DMD: variants seen among roughly 807,000 people sequenced by gnomAD.
DMD encodes mutant dystrophin.
A neutral mutation model predicts 330.1 loss-of-function variants in DMD; 63 were observed. That is an observed-to-expected ratio of 0.19 (90% CI 0.16 to 0.24). The LOEUF is 0.24. DMD is among the 10% of genes least tolerant of loss of function. The pLI is 1.00. For synonymous variants in DMD, 1,223 were observed against 959.8 expected (o/e 1.27, Z -5.07); for missense variants, 3,344 against 2,684.1 (o/e 1.25, Z -5.43).
chrX:31,922,147 T>C (rs1351211429), intron 47 of DMD, among the ~76,000 whole-genome samples: 1 of 110,958 alleles, frequency 9.0e-6, no homozygotes, highest in Non-Finnish European at 1.9e-5. Flanking sequence ...CCATATACCC[T>C]TGGGGAAGGA....
intron 62 of DMD, among the ~76,000 whole-genome samples, chrX:31,265,354 C>T (rs991389719): frequency 1.8e-5 from 2 of 111,526 alleles, no homozygotes; most frequent in Non-Finnish European, 1.9e-5. Context: ...TTTCTGCTAC[C>T]GTGGGGCAGG....
At chrX:32,208,825 A>G (rs1368365466) in intron 44 of DMD, among the ~76,000 whole-genome samples, 1 of 111,261 alleles carries the variant, frequency 9.0e-6, no homozygotes, top group Non-Finnish European at 1.9e-5. Context: ...ATATGCTCCA[A>G]TGGGTAAGAG....
chrX:32,482,554 G>C (rs2042004728), intron 21 of DMD, among the ~76,000 whole-genome samples: 1 of 111,640 alleles, frequency 9.0e-6, no homozygotes, highest in Non-Finnish European at 1.9e-5. Context: ...GTCATCACTG[G>C]ATGGACATGT....
intron 74 of DMD, among the ~76,000 whole-genome samples, chrX:31,148,080 A>T (rs1889942912): frequency 9.0e-6 from 1 of 111,027 alleles, no homozygotes; most frequent in African/African-American, 3.3e-5. Context: ...CCGCCTCAAC[A>T]CCATACCATT....
chrX:32,621,110 A>C (rs758541452), intron 11 of DMD, among the ~76,000 whole-genome samples: 2 of 111,250 alleles, frequency 1.8e-5, no homozygotes, highest in African/African-American at 3.3e-5. Flanking sequence ...TCATACTATG[A>C]AATGAGAGCA....
chrX:32,682,061 A>T (rs911096896), intron 9 of DMD, among the ~76,000 whole-genome samples: 2 of 111,738 alleles, frequency 1.8e-5, no homozygotes, highest in African/African-American at 3.3e-5. Flanking sequence ...AGAAGGTAGG[A>T]TACCTATAGG....
At chrX:31,769,315 T>C (rs776838466) in intron 51 of DMD, among the ~76,000 whole-genome samples, 6 of 112,560 alleles carry the variant, frequency 5.3e-5, no homozygotes, top group Non-Finnish European at 1.1e-4. Flanking sequence ...ATTCCAGTCT[T>C]TGTTGAATAT....
chrX:32,920,704 G>C lies in DMD; in HGVS notation c.94-70884C>G, dbSNP rs376031103. ...TACTTCATGCCACACTATGGATCAA[G>C]CAGTGAAGATAAAACAGTAAACAAG... is the stretch of plus-strand genomic sequence containing the variant. On this transcript the variant is annotated intron_variant, in intron 2 of 78. Coordinates refer to ENST00000357033, the MANE Select transcript of DMD (RefSeq NM_004006.3). 2.7e-5 allele frequency among the ~76,000 whole-genome samples: 3 copies of C among 112,253 alleles called. No homozygotes were observed. The East Asian group carries it at 8.4e-4, about 31-fold the overall frequency.
At position 33,010,701 on chromosome X, in the gene DMD, C is replaced by T. The variant is rs778208994; in HGVS notation, c.93+9438G>A. Among the ~76,000 whole-genome samples, 5 of 111,147 alleles carry T rather than the reference C, an allele frequency of 4.5e-5. No individual in the cohort carries two copies. The East Asian group carries it at 1.4e-3, about 32-fold the overall frequency. On this transcript the variant is annotated intron_variant, in intron 2 of 78. Transcript: ENST00000357033. ...GAGTATAGTCCCCACAAAATAAATC[C>T]CAATTTAAATCAAGTACTTGCATTG...
intron 55 of DMD, among the ~76,000 whole-genome samples, chrX:31,522,363 C>CTCTCTCTCTCTCTATATATATATATATA: frequency 1.9e-4 from 7 of 35,954 alleles, no homozygotes; most frequent in Non-Finnish European, 2.5e-4. Flanking sequence ...CTCTCTCTCT[C>CTCTCTCTCTCTCTATATATATATATATA]TATATATATA....
intron 41 of DMD, among the ~76,000 whole-genome samples, chrX:32,314,076 GC>G (rs913725642): frequency 2.7e-5 from 3 of 111,387 alleles, no homozygotes; most frequent in African/African-American, 9.8e-5. Flanking sequence ...CCAAAAAAGG[GC>G]CCATATAGCC....
intron 55 of DMD, 87 bp from the exon 56 acceptor site, chrX:31,507,540 A>G: frequency 1.1e-6 from 1 of 877,829 alleles, no homozygotes; most frequent in Non-Finnish European, 1.6e-6. Flanking sequence ...ATTGCAAAAT[A>G]TAAATAATTA....
At chrX:31,693,807 T>C (rs1356678381) in intron 52 of DMD, among the ~76,000 whole-genome samples, 4 of 111,835 alleles carry the variant, frequency 3.6e-5, no homozygotes, top group African/African-American at 1.3e-4. Flanking sequence ...ATTTCTGTGT[T>C]CATAAATTGG....
At chrX:32,552,822 C>T (rs2049730285) in intron 16 of DMD, among the ~76,000 whole-genome samples, 1 of 111,866 alleles carries the variant, frequency 8.9e-6, no homozygotes, top group South Asian at 3.7e-4. Context: ...AAATGCTGAA[C>T]ATCAATAATC....
Position 31,191,733 on chromosome X carries a change from A to C in DMD, c.9808-8829T>G, listed in dbSNP as rs2042390325. 2.7e-5 allele frequency among the ~76,000 whole-genome samples: 3 copies of C among 111,752 alleles called. No homozygotes were observed. In the Admixed American group the frequency reaches 2.9e-4, roughly 11 times the overall value. On this transcript the variant is annotated intron_variant, in intron 67 of 78. Transcript: ENST00000357033. ...TCTCTTTTGTAAATTGCCCCATCTC[A>C]GGTATGTCTTTATCAGCAGCGTGAA...
intron 17 of DMD, among the ~76,000 whole-genome samples, chrX:32,523,028 A>C (rs1399372636): frequency 8.9e-6 from 1 of 111,940 alleles, no homozygotes; most frequent in Admixed American, 9.5e-5. Flanking sequence ...GAGGTCCCTG[A>C]AACTCAAACG....
intron 44 of DMD, among the ~76,000 whole-genome samples, chrX:32,033,232 G>A (rs868219960): frequency 9.0e-6 from 1 of 111,069 alleles, no homozygotes; most frequent in Middle Eastern, 4.7e-3. Flanking sequence ...TGGGGATAGG[G>A]CGAAATAGGA....
chrX:32,691,865 G>A (rs191172971), intron 9 of DMD, among the ~76,000 whole-genome samples: 2 of 111,448 alleles, frequency 1.8e-5, no homozygotes, highest in East Asian at 2.8e-4. Context: ...CAACATGGAT[G>A]AACCCTAAGG....
At position 31,836,668 on chromosome X, in the gene DMD, AG is replaced by A. The variant is rs2093205595; in HGVS notation, c.7200+49del. On this transcript the variant is annotated intron_variant, in intron 49 of 78. Transcript: ENST00000357033. ...TCAATGGCAAATGTACAACAGGGGA[AG>A]CATAACCCATTATGAGGTAATGGAT... 3 of 990,434 alleles carry A rather than the reference AG, an allele frequency of 3.0e-6. No homozygotes were observed. The East Asian group carries it at 9.1e-5, about 30-fold the overall frequency. The allele number at this position is 990,434 out of a possible 1,213,427, so 81.6% of individuals were successfully genotyped here. A position where few individuals can be genotyped will look rare whatever the true frequency, so the allele number is the denominator to read the frequency against.
Sources: allele counts gnomAD v4.1 joint callset (sites outside exome capture counted in the v4.1 genomes callset), GRCh38; gene constraint gnomAD v4.1.1; transcripts MANE v1.5; gene names NCBI Gene and HGNC (gene_info 2026-07-23, HGNC 2026-07-21).